Variants in CHMP4B observed in about 807,000 individuals in gnomAD.
CHMP4B encodes charged multivesicular body protein 4B.
CHMP4B carries 1 observed loss-of-function variant against 25.1 expected under a neutral mutation model. That is an observed-to-expected ratio of 0.04 (90% confidence interval 0.01 to 0.19). The LOEUF is 0.19. Among genes scored for constraint, CHMP4B ranks in the 10% least tolerant of loss-of-function variants. The pLI, the probability that CHMP4B is intolerant of heterozygous loss-of-function variation, is 1.00. For missense variants in CHMP4B, 151 were observed against 289.7 expected (o/e 0.52, Z 3.48); for synonymous variants, 101 against 115.6 (o/e 0.87, Z 0.81).
intron 1 of CHMP4B, among the ~76,000 whole-genome samples, chr20:33,844,278 A>C (rs1403838765): frequency 1.3e-5 from 2 of 152,200 alleles, no homozygotes; most frequent in Non-Finnish European, 2.9e-5. Context: ...CGGGAGATAA[A>C]ATATGGGTGG....
At chr20:33,818,353 G>A (rs1176091945) in intron 1 of CHMP4B, among the ~76,000 whole-genome samples, 1 of 152,234 alleles carries the variant, frequency 6.6e-6, no homozygotes, top group East Asian at 1.9e-4. Context: ...TCATCTCTGA[G>A]GTTGCAGGTT....
chr20:33,817,114 C>T (rs868643068), intron 1 of CHMP4B, among the ~76,000 whole-genome samples: 1 of 152,206 alleles, frequency 6.6e-6, no homozygotes, highest in African/African-American at 2.4e-5. Context: ...GTCTTAATGG[C>T]GCATGTGCCA....
rs763289281 is a variant in CHMP4B, at chr20:33,848,514, G to T, written c.238G>T (p.Ala80Ser). 2 of 1,614,236 alleles carry T rather than the reference G, an allele frequency of 1.2e-6. No individual in the cohort carries two copies. Among genetic ancestry groups the T allele is most frequent in the Non-Finnish European group, 1.7e-6 (2 of 1,180,048 alleles). Residue 80 changes from alanine (A) to serine (S), a missense_variant, in exon 2 of 5, where the codon GCG becomes TCG. Ala to Ser is a moderately conservative substitution (Grantham distance 99). Transcript: ENST00000217402. The part of the protein sequence containing the change: ...KRKKRYEKQL[A>S]QIDGTLSTIE... ...TAAGAAGAGGTATGAGAAGCAGCTGGCGCAGATCGACGGCACATTATCAAC... is the reference window on the plus strand; with the variant it reads ...TAAGAAGAGGTATGAGAAGCAGCTGTCGCAGATCGACGGCACATTATCAAC...
At chr20:33,828,270 G>A (rs1312504501) in intron 1 of CHMP4B, among the ~76,000 whole-genome samples, 1 of 152,188 alleles carries the variant, frequency 6.6e-6, no homozygotes, top group African/African-American at 2.4e-5. Flanking sequence ...AAGTAATACA[G>A]CTCATTGAAG....
At chr20:33,823,292 G>A (rs1396566973) in intron 1 of CHMP4B, among the ~76,000 whole-genome samples, 2 of 152,066 alleles carry the variant, frequency 1.3e-5, no homozygotes, top group Admixed American at 6.6e-5. Context: ...AGAAAGTCGA[G>A]GTTCAGATTA....
chr20:33,832,957 T>A (rs201529322), intron 1 of CHMP4B, among the ~76,000 whole-genome samples: 2 of 36,382 alleles, frequency 5.5e-5, no homozygotes, highest in Non-Finnish European at 1.3e-4. Flanking sequence ...TAAAAAAAAA[T>A]TTTTTTTTTT....
At chr20:33,818,519 G>A (rs1345725670) in intron 1 of CHMP4B, among the ~76,000 whole-genome samples, 1 of 113,534 alleles carries the variant, frequency 8.8e-6, no homozygotes, top group African/African-American at 3.7e-5. Flanking sequence ...AGCTCCAACT[G>A]TAAAATCACC....
intron 3 of CHMP4B, among the ~76,000 whole-genome samples, chr20:33,851,641 C>T (rs920160697): frequency 6.6e-6 from 1 of 152,014 alleles, no homozygotes; most frequent in Non-Finnish European, 1.5e-5. Context: ...GCTTTCTGAC[C>T]CCTGCTGTAT....
intron 1 of CHMP4B, among the ~76,000 whole-genome samples, chr20:33,848,255 G>C (rs764931825): frequency 2.6e-5 from 4 of 152,168 alleles, no homozygotes; most frequent in Non-Finnish European, 5.9e-5. Context: ...ACTTTGGCTT[G>C]TGTGCTTGTT....
At chr20:33,820,182 A>AAAAAAG (rs1172161116) in intron 1 of CHMP4B, among the ~76,000 whole-genome samples, 1 of 152,112 alleles carries the variant, frequency 6.6e-6, no homozygotes, top group Non-Finnish European at 1.5e-5. Context: ...TGTCTCAAAA[A>AAAAAAG]AAAAAGAAAA....
intron 1 of CHMP4B, among the ~76,000 whole-genome samples, chr20:33,838,518 A>G (rs1010003904): frequency 6.6e-6 from 1 of 152,220 alleles, no homozygotes; most frequent in Non-Finnish European, 1.5e-5. Context: ...CTGGATTTTT[A>G]TGTGTAATAT....
intron 1 of CHMP4B, among the ~76,000 whole-genome samples, chr20:33,819,029 C>T (rs1032382447): frequency 1.3e-5 from 2 of 152,140 alleles, no homozygotes; most frequent in Non-Finnish European, 2.9e-5. Flanking sequence ...CCTGCCTCAG[C>T]CTCCCGAGTA....
intron 1 of CHMP4B, among the ~76,000 whole-genome samples, chr20:33,819,517 C>T (rs1020293370): frequency 1.3e-5 from 2 of 152,198 alleles, no homozygotes; most frequent in African/African-American, 4.8e-5. Context: ...AGAGCATCTG[C>T]TGGCTTGATT....
chr20:33,818,058 ATACT>A (rs751143492), intron 1 of CHMP4B, among the ~76,000 whole-genome samples: 2 of 152,236 alleles, frequency 1.3e-5, no homozygotes, highest in Non-Finnish European at 2.9e-5. Context: ...AATACTACCA[ATACT>A]TACTTGTTAG....
intron 4 of CHMP4B, 60 bp downstream of exon 4, chr20:33,852,263 G>T: frequency 1.2e-6 from 2 of 1,603,144 alleles, no homozygotes; most frequent in Non-Finnish European, 8.5e-7. Context: ...TCTTGTGGTC[G>T]GTTGGCTTTG....
At chr20:33,819,950 G>A (rs368426514) in intron 1 of CHMP4B, among the ~76,000 whole-genome samples, 1 of 151,952 alleles carries the variant, frequency 6.6e-6, no homozygotes, top group Non-Finnish European at 1.5e-5. Context: ...GGTGGATCAC[G>A]AGGTCAGGAG....
At chr20:33,847,285 TG>T (rs1979712484) in intron 1 of CHMP4B, among the ~76,000 whole-genome samples, 1 of 144,390 alleles carries the variant, frequency 6.9e-6, no homozygotes, top group Admixed American at 7.3e-5. Flanking sequence ...TTAGATGTAC[TG>T]TTTTTTTTTT....
At chr20:33,811,807 C>G (rs1253223884) in intron 1 of CHMP4B, 149 bp downstream of exon 1, 7 of 793,432 alleles carry the variant, frequency 8.8e-6, no homozygotes, top group Non-Finnish European at 1.3e-5. Context: ...GACCCCCTCC[C>G]CGACTCCCTT....
intron 1 of CHMP4B, among the ~76,000 whole-genome samples, chr20:33,815,249 A>T (rs924025864): frequency 6.6e-6 from 1 of 152,230 alleles, no homozygotes; most frequent in African/African-American, 2.4e-5. Flanking sequence ...AATGCCTGCC[A>T]TATGGTAAGT....
Sources: allele counts gnomAD v4.1 joint callset (sites outside exome capture counted in the v4.1 genomes callset), GRCh38; gene constraint gnomAD v4.1.1; transcripts MANE v1.5; gene names NCBI Gene and HGNC (gene_info 2026-07-23, HGNC 2026-07-21).